The following HCK variants were observed in gnomAD, a reference collection of about 807,000 sequenced individuals.
HCK encodes tyrosine-protein kinase HCK.
In HCK, 40 loss-of-function variants were observed where a neutral mutation model predicts 70.4. That is an observed-to-expected ratio of 0.57 (90% CI 0.44 to 0.74). The LOEUF is 0.74. Ranked by LOEUF, HCK falls within the 30% of genes least tolerant of loss-of-function variation. HCK has a pLI of 0.00. For synonymous variants in HCK, 245 were observed against 263.2 expected, an observed-to-expected ratio of 0.93 and a Z score of 0.67; for missense variants, 568 against 697.2, an observed-to-expected ratio of 0.81 and a Z score of 2.09.
intron 10 of HCK, among the ~76,000 whole-genome samples, chr20:32,092,948 C>A (rs1391610992): frequency 6.6e-6 from 1 of 151,858 alleles, no homozygotes; most frequent in East Asian, 1.9e-4. Flanking sequence ...TTTGTTTTAT[C>A]TTTTTTTTCT....
At chr20:32,093,383 G>A (rs2045889402) in intron 10 of HCK, among the ~76,000 whole-genome samples, 1 of 152,144 alleles carries the variant, frequency 6.6e-6, no homozygotes, top group South Asian at 2.1e-4. Flanking sequence ...CCCTACCCAG[G>A]CTGGGGCATG....
intron 2 of HCK, 145 bp downstream of exon 2, chr20:32,071,927 A>C: frequency 3.2e-6 from 3 of 936,048 alleles, no homozygotes; most frequent in East Asian, 2.8e-5. Flanking sequence ...TCCTGACTCG[A>C]CTCTCCGGGA....
intron 1 of HCK, chr20:32,069,776 T>A (rs1433340603): frequency 1.6e-6 from 2 of 1,273,886 alleles, no homozygotes; most frequent in Admixed American, 4.9e-5. Flanking sequence ...ATAAAAGGAA[T>A]CTTTTTTCAT....
intron 6 of HCK, among the ~76,000 whole-genome samples, chr20:32,081,147 CT>C: frequency 6.6e-6 from 1 of 152,308 alleles, no homozygotes; most frequent in South Asian, 2.1e-4. Flanking sequence ...CTCATTCCTC[CT>C]TTCCTCCCTC....
chr20:32,064,954 C>G (rs2045435111), intron 1 of HCK, among the ~76,000 whole-genome samples: 1 of 152,242 alleles, frequency 6.6e-6, no homozygotes. Flanking sequence ...CAGACTGCTT[C>G]TGCTCTCAGA....
Position 32,052,352 on chromosome 20 carries a change from C to A in HCK, c.-73C>A. On this transcript the variant is annotated 5_prime_UTR_variant, in exon 1 of 13. Coordinates refer to ENST00000375852, the MANE Select transcript of HCK (RefSeq NM_002110.5). The stretch of plus-strand genomic sequence containing the variant: ...CCCGCGGCACCAAAGCCCCTCAGAG[C>A]GTCGCCCCCGCCTCTAGTTCTAGAA... 1 of 1,099,786 alleles carries A rather than the reference C, an allele frequency of 9.1e-7. No homozygotes were observed. Among genetic ancestry groups the A allele is most frequent in the Non-Finnish European group, 1.2e-6 (1 of 843,156 alleles). 68.1% of individuals were successfully genotyped at this position (1,099,786 alleles called of 1,614,324 possible).
At chr20:32,081,568 G>T (rs1006456996) in intron 6 of HCK, among the ~76,000 whole-genome samples, 4 of 152,164 alleles carry the variant, frequency 2.6e-5, no homozygotes, top group South Asian at 2.1e-4. Context: ...TTAAAGGCAT[G>T]TTCCTCATGT....
At chr20:32,057,410 G>A (rs1393575798) in intron 1 of HCK, among the ~76,000 whole-genome samples, 1 of 152,138 alleles carries the variant, frequency 6.6e-6, no homozygotes, top group East Asian at 1.9e-4. Flanking sequence ...GACCAGCCTG[G>A]GTAACATGGC....
intron 1 of HCK, among the ~76,000 whole-genome samples, chr20:32,068,059 G>A (rs1449350925): frequency 2.6e-5 from 4 of 152,076 alleles, no homozygotes; most frequent in Admixed American, 2.6e-4. Flanking sequence ...TACTTTGGGA[G>A]GCCAAGGAGG....
intron 6 of HCK, among the ~76,000 whole-genome samples, chr20:32,080,124 C>T (rs2045688526): frequency 6.6e-6 from 1 of 152,220 alleles, no homozygotes; most frequent in African/African-American, 2.4e-5. Context: ...GTGGCTTAGG[C>T]CCTGAAAACA....
chr20:32,064,909 A>G (rs1193717777), intron 1 of HCK, among the ~76,000 whole-genome samples: 1 of 152,252 alleles, frequency 6.6e-6, no homozygotes, highest in Non-Finnish European at 1.5e-5. Context: ...TATCTTTACC[A>G]GGGATCAGCA....
intron 5 of HCK, among the ~76,000 whole-genome samples, chr20:32,076,421 A>G (rs535282544): frequency 1.3e-5 from 2 of 152,292 alleles, no homozygotes; most frequent in Admixed American, 1.3e-4. Context: ...GCCCTGGGTC[A>G]TCCCATGCTC....
chr20:32,073,669 G>A, intron 3 of HCK, 47 bp from the exon 4 acceptor site: 1 of 1,313,990 alleles, frequency 7.6e-7, no homozygotes, highest in Non-Finnish European at 1.1e-6. Flanking sequence ...CAAGGGCTGT[G>A]GATGCACTTA....
At chr20:32,055,340 C>G (rs2045254192) in intron 1 of HCK, among the ~76,000 whole-genome samples, 2 of 152,242 alleles carry the variant, frequency 1.3e-5, no homozygotes, top group Admixed American at 1.3e-4. Flanking sequence ...GCCTTACTCA[C>G]TATGCCTGGC....
At chr20:32,094,827 A>AAGAAAG in intron 11 of HCK, among the ~76,000 whole-genome samples, 1 of 151,106 alleles carries the variant, frequency 6.6e-6, no homozygotes, top group East Asian at 1.9e-4. Flanking sequence ...GAAAGAAAGA[A>AAGAAAG]AGAAAGAAAG....
At chr20:32,094,764 G>GAAA (rs1569009967) in intron 11 of HCK, among the ~76,000 whole-genome samples, 2 of 68,406 alleles carry the variant, frequency 2.9e-5, no homozygotes, top group African/African-American at 1.4e-4. Context: ...AAAGAAAGAA[G>GAAA]GAAAGAAAGA....
chr20:32,083,637 A>C (rs59388669), intron 6 of HCK, among the ~76,000 whole-genome samples: 1,829 of 152,316 alleles, frequency 0.012, 41 homozygotes, highest in African/African-American at 0.042. Flanking sequence ...CGTGAGAACT[A>C]TTCCCATTTT....
chr20:32,076,218 C>T (rs915446272), intron 5 of HCK, among the ~76,000 whole-genome samples: 33 of 152,094 alleles, frequency 2.2e-4, no homozygotes, highest in African/African-American at 7.7e-4. Context: ...CCCAGCTACT[C>T]GGGAGGCTGA....
At chr20:32,076,342 T>C (rs2045625848) in intron 5 of HCK, among the ~76,000 whole-genome samples, 2 of 151,836 alleles carry the variant, frequency 1.3e-5, no homozygotes, top group African/African-American at 4.8e-5. Flanking sequence ...AAAACAATTA[T>C]GTCACCCCTT....
Sources: gnomAD v4.1 joint callset for allele counts (sites outside exome capture counted in the v4.1 genomes callset) on GRCh38, gnomAD v4.1.1 for gene constraint, MANE v1.5 for transcripts, NCBI Gene and HGNC (gene_info 2026-07-23, HGNC 2026-07-21) for gene names.